The following MVB12B variants were observed in gnomAD, a reference collection of about 807,000 sequenced individuals.
MVB12B encodes multivesicular body subunit 12B.
A neutral mutation model predicts 41.6 loss-of-function variants in MVB12B; 16 were observed. The observed-to-expected ratio is 0.38, with a 90% CI of 0.26 to 0.58. The LOEUF (loss-of-function observed/expected upper bound fraction) is 0.58. Among genes scored for constraint, MVB12B ranks in the 20% least tolerant of loss-of-function variants. The probability of loss-of-function intolerance (pLI) is 0.62; values close to 1 mark genes in which losing one functional copy is unlikely to be tolerated. For synonymous variants in MVB12B, 133 were observed against 139.7 expected (o/e 0.95, Z 0.34); for missense variants, 274 against 380.2 (o/e 0.72, Z 2.32).
intron 6 of MVB12B, among the ~76,000 whole-genome samples, chr9:126,420,180 A>G (rs1488776309): frequency 6.6e-6 from 1 of 152,192 alleles, no homozygotes; most frequent in Admixed American, 6.5e-5. Context: ...TTCTCCGAGC[A>G]CATGTCACGT....
rs116802267 is a variant in MVB12B, at chr9:126,493,243, T to G, written c.873+9211T>G. On this transcript the variant is annotated intron_variant, in intron 9 of 9. Transcript: ENST00000361171. ...TTCAACTACTTAATCCATCTGAAAT[T>G]TATTAGAAGGTAAGAACTACAGACA... is the stretch of plus-strand genomic sequence containing the variant. Among the ~76,000 whole-genome samples the G allele has an allele frequency of 8.5e-3, 1,294 of 152,256 alleles. 22 individuals carry two copies. Among genetic ancestry groups the G allele is most frequent in the African/African-American group, 0.03 (1,241 of 41,560 alleles).
At chr9:126,332,932 C>T (rs1328868948) in intron 1 of MVB12B, among the ~76,000 whole-genome samples, 1 of 152,174 alleles carries the variant, frequency 6.6e-6, no homozygotes, top group Non-Finnish European at 1.5e-5. Context: ...AGAGGAAAGG[C>T]TGTGTGTGTA....
intron 2 of MVB12B, among the ~76,000 whole-genome samples, chr9:126,341,364 G>A (rs1046545219): frequency 3.3e-5 from 5 of 152,220 alleles, no homozygotes; most frequent in Non-Finnish European, 7.3e-5. Flanking sequence ...AGGAACGTTA[G>A]GAGGGTTTAA....
At chr9:126,432,663 G>T (rs571299192) in intron 7 of MVB12B, among the ~76,000 whole-genome samples, 1 of 152,282 alleles carries the variant, frequency 6.6e-6, no homozygotes, top group South Asian at 2.1e-4. Flanking sequence ...TTTTACAGAT[G>T]GGGAAACTGA....
At position 126,473,187 on chromosome 9, in the gene MVB12B, A is replaced by C. The variant is rs1305947127; in HGVS notation, c.758-8182A>C. On this transcript the variant is annotated intron_variant, in intron 7 of 9. Coordinates refer to ENST00000361171, the MANE Select transcript of MVB12B (RefSeq NM_033446.3). This position sits in a 1 kb window ranked among gnomAD's most constrained non-coding sequence, Gnocchi z 4.0. ...ATTATGCCCACCTTACAGACAGGGC[A>C]AGTAAGGCTCAGAGAGGTGGGGTGG... Among the ~76,000 whole-genome samples the C allele has an allele frequency of 6.6e-6, 1 of 152,166 alleles. No individual in the cohort carries two copies. Among genetic ancestry groups the C allele is most frequent in the Non-Finnish European group, 1.5e-5 (1 of 68,030 alleles).
At chr9:126,369,247 A>G (rs997365751) in intron 2 of MVB12B, among the ~76,000 whole-genome samples, 1 of 152,060 alleles carries the variant, frequency 6.6e-6, no homozygotes, top group Non-Finnish European at 1.5e-5. Context: ...GTCTGTAGCA[A>G]CTCCATTCCT....
At chr9:126,451,830 A>G (rs540335368) in intron 7 of MVB12B, among the ~76,000 whole-genome samples, 7 of 152,288 alleles carry the variant, frequency 4.6e-5, no homozygotes, top group Admixed American at 2.6e-4. Context: ...CAGGTAAGCA[A>G]TGAAAAGCCA....
intron 2 of MVB12B, among the ~76,000 whole-genome samples, chr9:126,364,616 G>A (rs939622775): frequency 5.9e-5 from 9 of 152,182 alleles, no homozygotes; most frequent in African/African-American, 2.2e-4. Context: ...CAAAGATGTT[G>A]CCACTTTACC....
intron 3 of MVB12B, among the ~76,000 whole-genome samples, chr9:126,382,664 T>C (rs1830669182): frequency 6.6e-6 from 1 of 152,096 alleles, no homozygotes; most frequent in South Asian, 2.1e-4. Context: ...CCGAAGAGGC[T>C]TCAGTTAAAA....
chr9:126,452,850 C>T (rs544483243), intron 7 of MVB12B, among the ~76,000 whole-genome samples: 1 of 152,238 alleles, frequency 6.6e-6, no homozygotes, highest in South Asian at 2.1e-4. Context: ...AAATGAAATG[C>T]TTAGGCACTT....
At chr9:126,371,655 A>G (rs1175501062) in intron 2 of MVB12B, among the ~76,000 whole-genome samples, 1 of 152,184 alleles carries the variant, frequency 6.6e-6, no homozygotes, top group Non-Finnish European at 1.5e-5. Flanking sequence ...TTTTCCTACC[A>G]TGCATTCTTT....
chr9:126,386,776 GC>G lies in MVB12B; in HGVS notation c.409+121del. The G allele has an allele frequency of 1.4e-6, 1 of 701,328 alleles. No individual in the cohort carries two copies. Among genetic ancestry groups the G allele is most frequent in the Non-Finnish European group, 2.5e-6 (1 of 404,162 alleles). 43.4% of individuals were successfully genotyped at this position (701,328 alleles called of 1,614,324 possible). On this transcript the variant is annotated intron_variant, in intron 4 of 9. Transcript: ENST00000361171. This position sits in a 1 kb window ranked among gnomAD's most constrained non-coding sequence, Gnocchi z 4.3. ...AACACTTTTGGAGGCCTTACTACAT[GC>G]CCATGAACAAACCCTGCTGCTTTTG...
intron 7 of MVB12B, among the ~76,000 whole-genome samples, chr9:126,434,582 A>G (rs940599522): frequency 6.6e-6 from 1 of 152,198 alleles, no homozygotes; most frequent in African/African-American, 2.4e-5. Flanking sequence ...GGCAATAAAC[A>G]CACCTATCTT....
rs375243464 is a variant in MVB12B at position 126,345,698 on chromosome 9, A to G, written c.204+5068A>G. 3.3e-5 allele frequency among the ~76,000 whole-genome samples: 5 copies of G among 152,324 alleles called. No individual in the cohort carries two copies. The East Asian group carries it at 7.7e-4, about 23-fold the overall frequency. ...CTTACAGTCTTACTTCCTTCTGCTC[A>G]TCCTTTCTCCAGAACCATTGAACGG... On this transcript the variant is annotated intron_variant, in intron 2 of 9. Coordinates refer to ENST00000361171, the MANE Select transcript of MVB12B (RefSeq NM_033446.3).
intron 8 of MVB12B, among the ~76,000 whole-genome samples, chr9:126,482,855 C>A (rs992914258): frequency 2.0e-5 from 3 of 152,374 alleles, no homozygotes; most frequent in Non-Finnish European, 2.9e-5. Context: ...CGGTGCCCTG[C>A]GCTCCCTGCT....
chr9:126,331,058 G>A (rs1444379400), intron 1 of MVB12B, among the ~76,000 whole-genome samples: 2 of 152,142 alleles, frequency 1.3e-5, no homozygotes, highest in Non-Finnish European at 2.9e-5. Flanking sequence ...GAATAATGTT[G>A]CTCTGAACAT....
intron 7 of MVB12B, among the ~76,000 whole-genome samples, chr9:126,466,438 T>A (rs1171103185): frequency 2.0e-5 from 3 of 152,190 alleles, no homozygotes; most frequent in Admixed American, 2.0e-4. Context: ...CAAGCCCAGA[T>A]TCAAGGGGTG....
In MVB12B at chr9:126,469,550, G is replaced by A. The variant is rs143037191; in HGVS notation, c.758-11819G>A. Among the ~76,000 whole-genome samples the A allele has an allele frequency of 4.2e-3, 634 of 152,342 alleles. 4 individuals are homozygous for A. The highest frequency in any genetic ancestry group is 0.017 in the Middle Eastern group (5 of 294). ...TCAGCCTGGGGGACAGGCGTGCTCC[G>A]TAGTCACAGGCCATGCCTGTCAGGC... On this transcript the variant is annotated intron_variant, in intron 7 of 9. Coordinates refer to ENST00000361171, the MANE Select transcript of MVB12B (RefSeq NM_033446.3).
chr9:126,398,939 TC>T (rs1831193992), intron 6 of MVB12B, among the ~76,000 whole-genome samples: 1 of 152,250 alleles, frequency 6.6e-6, no homozygotes, highest in Admixed American at 6.5e-5. Context: ...CAAAGGTGGA[TC>T]TTTGCACCGT....
Sources: gnomAD v4.1 joint callset for allele counts (sites outside exome capture counted in the v4.1 genomes callset) on GRCh38, gnomAD v4.1.1 for gene constraint, Gnocchi (gnomAD v3.1) non-coding constraint, MANE v1.5 for transcripts, NCBI Gene and HGNC (gene_info 2026-07-23, HGNC 2026-07-21) for gene names.